C9orf85: variants seen among roughly 807,000 people sequenced by gnomAD.
The protein encoded by C9orf85 is chromosome 9 open reading frame 85, also known as uncharacterized protein C9orf85.
A neutral mutation model predicts 14.9 loss-of-function variants in C9orf85; 16 were observed. The ratio of observed to expected loss-of-function variants is 1.08; its 90% CI spans 0.73 to 1.63. C9orf85 has a LOEUF of 1.63. Among genes scored for constraint, C9orf85 ranks in the 40% most tolerant of loss-of-function variants. C9orf85 has a pLI of 0.00. For missense variants in C9orf85, 172 were observed against 186.1 expected (o/e 0.92, Z 0.44); for synonymous variants, 45 against 56.8 (o/e 0.79, Z 0.93).
rs997170631 is a variant in C9orf85, at chr9:71,968,023, AT to A, written c.210-3474del. On this transcript the variant is annotated intron_variant, in intron 2 of 3. Coordinates refer to ENST00000334731, the MANE Select transcript of C9orf85 (RefSeq NM_182505.5). Reference sequence around the variant, plus strand: ...TTTTCTTAGAACATTGCTTTAGTGAATTTTTTTTATTGGCTTTGAATATACT... The same window carrying A: ...TTTTCTTAGAACATTGCTTTAGTGAATTTTTTTATTGGCTTTGAATATACT... 7.3e-5 allele frequency among the ~76,000 whole-genome samples: 11 copies of A among 151,188 alleles called. No homozygotes were observed. The East Asian group carries it at 9.7e-4, about 13-fold the overall frequency.
intron 1 of C9orf85, among the ~76,000 whole-genome samples, chr9:71,926,749 T>C (rs956985577): frequency 1.3e-5 from 2 of 151,882 alleles, no homozygotes; most frequent in Non-Finnish European, 2.9e-5. Flanking sequence ...AAGACTAAAT[T>C]AGTGATTTGG....
chr9:71,932,400 G>A (rs1828091523), intron 1 of C9orf85, among the ~76,000 whole-genome samples: 1 of 152,084 alleles, frequency 6.6e-6, no homozygotes, highest in Admixed American at 6.6e-5. Flanking sequence ...AGAAACTCCT[G>A]AGTTATAAAA....
intron 3 of C9orf85, among the ~76,000 whole-genome samples, chr9:71,982,044 T>C (rs1221994151): frequency 6.6e-6 from 1 of 152,230 alleles, no homozygotes; most frequent in Non-Finnish European, 1.5e-5. Flanking sequence ...CATGCTCATT[T>C]GTAGCCACTC....
intron 2 of C9orf85, among the ~76,000 whole-genome samples, chr9:71,969,306 A>G (rs1183663724): frequency 1.3e-5 from 2 of 151,986 alleles, no homozygotes; most frequent in Non-Finnish European, 2.9e-5. Flanking sequence ...ATGCCCAGCT[A>G]ATTTTTTGTA....
chr9:71,921,265 C>T (rs1033400818), intron 1 of C9orf85, among the ~76,000 whole-genome samples: 2 of 152,160 alleles, frequency 1.3e-5, no homozygotes, highest in Admixed American at 6.5e-5. Flanking sequence ...AGTCTGACAC[C>T]TTTTAAGGTC....
At chr9:71,976,532 G>C (rs546020870), downstream of C9orf85, among the ~76,000 whole-genome samples, 2 of 151,918 alleles carry the variant, frequency 1.3e-5, no homozygotes, top group Admixed American at 6.6e-5. Flanking sequence ...CGTGGTGGCG[G>C]GCGCCTGTAG....
At chr9:71,981,398 C>T (rs772184568) in intron 3 of C9orf85, among the ~76,000 whole-genome samples, 15 of 152,194 alleles carry the variant, frequency 9.9e-5, no homozygotes, top group Non-Finnish European at 1.9e-4. Context: ...CAGCTGTAAA[C>T]TAATTGCAGA....
intron 2 of C9orf85, among the ~76,000 whole-genome samples, chr9:71,960,494 T>C (rs917266569): frequency 3.3e-5 from 5 of 152,208 alleles, no homozygotes; most frequent in Non-Finnish European, 7.3e-5. Flanking sequence ...GGTCTGGATT[T>C]CTAGTTTTTA....
chr9:71,984,602 T>G (rs1823175613), downstream of C9orf85: 2 of 152,370 alleles, frequency 1.3e-5, no homozygotes, highest in South Asian at 4.1e-4. Context: ...CAGGGTAGTG[T>G]GTCATTACAG....
chr9:71,971,394 C>T, intron 2 of C9orf85, 111 bp from the exon 3 acceptor site: 1 of 518,254 alleles, frequency 1.9e-6, no homozygotes, highest in Non-Finnish European at 3.2e-6. Flanking sequence ...AAATTGAAAC[C>T]TAGGAATTTT....
chr9:71,911,811 A>G lies in C9orf85; in HGVS notation c.77A>G (p.Lys26Arg), dbSNP rs1355031592. 9 of 1,614,104 alleles carry G rather than the reference A, an allele frequency of 5.6e-6. No homozygotes were observed. The highest frequency in any genetic ancestry group is 6.8e-6 in the Non-Finnish European group (8 of 1,179,984). Reference sequence around the variant, plus strand: ...AATACGTTTAGCTTCAAAAATGACAAGTTCGATAAAAGTGTGCAGACCAAG... The same window carrying G: ...AATACGTTTAGCTTCAAAAATGACAGGTTCGATAAAAGTGTGCAGACCAAG... ...HQNTFSFKND[K>R]FDKSVQTKKI... Residue 26 changes from lysine (K) to arginine (R), a missense_variant, in exon 1 of 4, where the codon AAG (lysine) becomes AGG (arginine). Lys to Arg is a conservative substitution (Grantham distance 26). Transcript: ENST00000334731.
intron 1 of C9orf85, among the ~76,000 whole-genome samples, chr9:71,929,319 A>G (rs1828014349): frequency 6.6e-6 from 1 of 152,196 alleles, no homozygotes; most frequent in African/African-American, 2.4e-5. Context: ...TAAGATCACT[A>G]ACTTGGGGCA....
chr9:71,984,128 G>A (rs534272344), downstream of C9orf85: 8 of 152,258 alleles, frequency 5.3e-5, no homozygotes, highest in African/African-American at 1.9e-4. Context: ...GATCGTTTTG[G>A]TATATTCTAG....
chr9:71,911,886 A>C (rs780801896), intron 1 of C9orf85, 50 bp downstream of exon 1: 1,194 of 1,507,570 alleles, frequency 7.9e-4, no homozygotes, highest in Non-Finnish European at 1.0e-3. Context: ...GGAATGGCTC[A>C]CTGGAGAGGG....
At chr9:71,941,779 A>G (rs1396118330) in intron 1 of C9orf85, 1 of 152,208 alleles carries the variant, frequency 6.6e-6, no homozygotes, top group Non-Finnish European at 1.5e-5. Context: ...CAGTGACATT[A>G]AGGAGTTATC....
At chr9:71,930,024 G>A (rs1828032998) in intron 1 of C9orf85, among the ~76,000 whole-genome samples, 1 of 151,054 alleles carries the variant, frequency 6.6e-6, no homozygotes, top group Admixed American at 6.6e-5. Context: ...ATAGCAGGGA[G>A]AATTTTTATA....
intron 2 of C9orf85, among the ~76,000 whole-genome samples, chr9:71,950,140 C>G (rs1048130227): frequency 2.0e-5 from 3 of 152,194 alleles, no homozygotes; most frequent in Admixed American, 2.0e-4. Context: ...AGCTTTCAAA[C>G]TCCAATCCAG....
chr9:71,911,858 C>A lies in C9orf85; in HGVS notation c.102+22C>A. 5 of 1,598,124 alleles carry A rather than the reference C, an allele frequency of 3.1e-6. No homozygotes were observed. The South Asian group carries it at 5.5e-5, about 18-fold the overall frequency. On this transcript the variant is annotated intron_variant, in intron 1 of 3. Transcript: ENST00000334731. The stretch of plus-strand genomic sequence containing the variant: ...CAAGGTAGGAACCTGCCTGTTGCAC[C>A]GTCTTTGACTCCAGGAAGGAATGGC...
chr9:71,974,562 C>T (rs570049281), downstream of C9orf85, among the ~76,000 whole-genome samples: 58 of 152,140 alleles, frequency 3.8e-4, no homozygotes, highest in African/African-American at 1.4e-3. Context: ...TTTTTTCTAA[C>T]ATTGAGAGAC....
Sources: gnomAD v4.1 joint callset for allele counts (sites outside exome capture counted in the v4.1 genomes callset) on GRCh38, gnomAD v4.1.1 for gene constraint, MANE v1.5 for transcripts, NCBI Gene and HGNC (gene_info 2026-07-23, HGNC 2026-07-21) for gene names.